The following PHLPP1 variants were observed in gnomAD, a reference collection of about 807,000 sequenced individuals.
PHLPP1 encodes the protein PH domain and leucine rich repeat protein phosphatase 1.
Under a neutral mutation model 117.2 loss-of-function variants are expected in PHLPP1, and 42 were observed. That is an observed-to-expected ratio of 0.36 (90% CI 0.28 to 0.46). The LOEUF (loss-of-function observed/expected upper bound fraction) is 0.46, where lower values mean the gene tolerates loss of function less well. Among genes scored for constraint, PHLPP1 ranks in the 20% least tolerant of loss-of-function variants. The pLI is 1.00. For synonymous variants in PHLPP1, 1,042 were observed against 970.7 expected (o/e 1.07, Z -1.37); for missense variants, 2,084 against 2,241.9 (o/e 0.93, Z 1.42).
At chr18:62,815,207 G>T (rs1914236129) in intron 1 of PHLPP1, among the ~76,000 whole-genome samples, 1 of 150,706 alleles carries the variant, frequency 6.6e-6, no homozygotes, top group African/African-American at 2.4e-5. Flanking sequence ...GCCCAGGCTG[G>T]AGTGCAGTGG....
chr18:62,743,616 C>T (rs1274304056), intron 1 of PHLPP1, among the ~76,000 whole-genome samples: 1 of 152,076 alleles, frequency 6.6e-6, no homozygotes, highest in Non-Finnish European at 1.5e-5. Context: ...TCAGCAATTA[C>T]CTAGTCAGTG....
chr18:62,804,399 A>G (rs1308124143), intron 1 of PHLPP1, among the ~76,000 whole-genome samples: 2 of 151,766 alleles, frequency 1.3e-5, no homozygotes, highest in Admixed American at 6.6e-5. Context: ...TTCATTTTTT[A>G]TTGGGTTGCC....
intron 3 of PHLPP1, among the ~76,000 whole-genome samples, chr18:62,846,966 T>C (rs1915198036): frequency 1.3e-5 from 2 of 152,214 alleles, no homozygotes; most frequent in Non-Finnish European, 2.9e-5. Flanking sequence ...CTAGTTAATA[T>C]ATTCCTGAAG....
intron 1 of PHLPP1, among the ~76,000 whole-genome samples, chr18:62,823,172 A>G (rs993601411): frequency 2.4e-4 from 37 of 152,214 alleles, no homozygotes; most frequent in African/African-American, 8.9e-4. Context: ...GACGAATCAA[A>G]TAATTAGGCT....
chr18:62,972,834 G>A (rs1911092264), intron 15 of PHLPP1, 126 bp downstream of exon 15: 1 of 702,300 alleles, frequency 1.4e-6, no homozygotes, highest in Admixed American at 2.8e-5. Flanking sequence ...GTACCAAGAT[G>A]CATTCAGGCA....
At chr18:62,887,308 TAAAG>T (rs1916309662) in intron 4 of PHLPP1, among the ~76,000 whole-genome samples, 1 of 152,070 alleles carries the variant, frequency 6.6e-6, no homozygotes, top group African/African-American at 2.4e-5. Context: ...CTTGGAAAAT[TAAAG>T]AAAATGACTT....
intron 1 of PHLPP1, among the ~76,000 whole-genome samples, chr18:62,804,164 G>T (rs1913868707): frequency 6.6e-6 from 1 of 152,166 alleles, no homozygotes; most frequent in Non-Finnish European, 1.5e-5. Flanking sequence ...GAAAGAGAGA[G>T]AAGTGAACAG....
Position 62,716,794 on chromosome 18 carries a change from G to C in PHLPP1, c.1111G>C (p.Gly371Arg). Residue 371 changes from glycine to arginine, a missense_variant, in exon 1 of 17, where the codon GGC becomes CGC. Transcript: ENST00000262719. This position sits in a 1 kb window ranked among gnomAD's most constrained non-coding sequence, Gnocchi z 5.7. The part of the protein sequence containing the change: ...DRLDPYSSGG[G>R]SSSSSEELEA... ...GTTGGACCCCTACAGCAGCGGCGGC[G>C]GCTCCTCGTCGTCGTCGGAAGAGCT... 1.3e-6 allele frequency: 2 copies of C among 1,526,006 alleles called. No individual in the cohort carries two copies. The highest frequency in any genetic ancestry group is 1.2e-5 in the South Asian group (1 of 82,910). 94.5% of individuals were successfully genotyped at this position (1,526,006 alleles called of 1,614,324 possible).
chr18:62,732,364 G>A (rs1467123395), intron 1 of PHLPP1, among the ~76,000 whole-genome samples: 1 of 152,160 alleles, frequency 6.6e-6, no homozygotes, highest in Non-Finnish European at 1.5e-5. Context: ...TGCTCTATGA[G>A]TGGAATAACA....
rs747928619 is a variant in PHLPP1 at position 62,979,329 on chromosome 18, A to ACAGCAG, written c.5063_5068dup (p.Gln1688_Gln1689dup). On this transcript the variant is annotated inframe_insertion, in exon 17 of 17. Coordinates refer to ENST00000262719, the MANE Select transcript of PHLPP1 (RefSeq NM_194449.4). ...AAATCATGAAGCATCACCAGGAGCA[A>ACAGCAG]CAGCAGCAGCAGCAGCCGCCACCAC... 140 of 1,551,608 alleles carry ACAGCAG rather than the reference A, an allele frequency of 9.0e-5. No homozygotes were observed. The Admixed American group carries it at 2.6e-3, about 29-fold the overall frequency.
chr18:62,924,553 G>A (rs1909566598), intron 10 of PHLPP1, among the ~76,000 whole-genome samples: 1 of 151,650 alleles, frequency 6.6e-6, no homozygotes, highest in East Asian at 1.9e-4. Flanking sequence ...GTATTACAGG[G>A]CCAGACACAG....
chr18:62,812,074 G>T (rs1035527303), intron 1 of PHLPP1, among the ~76,000 whole-genome samples: 1 of 152,182 alleles, frequency 6.6e-6, no homozygotes, highest in African/African-American at 2.4e-5. Context: ...CACTGGAAAA[G>T]AATTTTTAAT....
intron 1 of PHLPP1, among the ~76,000 whole-genome samples, chr18:62,725,636 A>AAG (rs35679507): frequency 4.3e-4 from 65 of 151,184 alleles, no homozygotes; most frequent in Middle Eastern, 3.4e-3. Context: ...CTCTTAAAAA[A>AAG]AGAGAGAGAG....
intron 4 of PHLPP1, among the ~76,000 whole-genome samples, chr18:62,862,119 G>A (rs551481321): frequency 4.1e-5 from 6 of 147,772 alleles, no homozygotes; most frequent in South Asian, 2.2e-4. Flanking sequence ...TCACTCTGTC[G>A]CCCAGGCTAG....
chr18:62,962,685 T>C (rs1910803470), intron 13 of PHLPP1, among the ~76,000 whole-genome samples: 1 of 152,272 alleles, frequency 6.6e-6, no homozygotes, highest in Non-Finnish European at 1.5e-5. Flanking sequence ...GGATCAATTA[T>C]GGCATATGAG....
chr18:62,766,076 A>AAAAAAAAT, intron 1 of PHLPP1, among the ~76,000 whole-genome samples: 2 of 21,662 alleles, frequency 9.2e-5, no homozygotes, highest in African/African-American at 1.5e-4. Context: ...AAAAAAAAAA[A>AAAAAAAAT]ATATATATAT....
At chr18:62,877,677 A>G (rs1324366986) in intron 4 of PHLPP1, among the ~76,000 whole-genome samples, 3 of 152,158 alleles carry the variant, frequency 2.0e-5, no homozygotes, top group Non-Finnish European at 4.4e-5. Flanking sequence ...TGCTTTTCAG[A>G]TGGAATTGTG....
At chr18:62,847,191 TTCC>T (rs530432797) in intron 3 of PHLPP1, among the ~76,000 whole-genome samples, 74 of 152,342 alleles carry the variant, frequency 4.9e-4, no homozygotes, top group Non-Finnish European at 9.3e-4. Context: ...TCCATCTTCC[TTCC>T]TCCTGTCTTC....
intron 1 of PHLPP1, among the ~76,000 whole-genome samples, chr18:62,801,544 C>T (rs1321362996): frequency 6.6e-6 from 1 of 152,046 alleles, no homozygotes. Flanking sequence ...CCTCTGCCTC[C>T]CGGATTCAAG....
Sources: gnomAD v4.1 joint callset for allele counts (sites outside exome capture counted in the v4.1 genomes callset) on GRCh38, gnomAD v4.1.1 for gene constraint, Gnocchi (gnomAD v3.1) non-coding constraint, MANE v1.5 for transcripts, NCBI Gene and HGNC (gene_info 2026-07-23, HGNC 2026-07-21) for gene names.